The following TANC2 variants were observed in gnomAD, a reference collection of about 807,000 sequenced individuals.
The protein encoded by TANC2 is tetratricopeptide repeat, ankyrin repeat and coiled-coil containing 2, also known as protein TANC2.
TANC2 carries 26 observed loss-of-function variants against 210.5 expected under a neutral mutation model. The ratio of observed to expected loss-of-function variants is 0.12; its 90% CI spans 0.09 to 0.17. The LOEUF (loss-of-function observed/expected upper bound fraction) is 0.17. Among genes scored for constraint, TANC2 ranks in the 10% least tolerant of loss-of-function variants. TANC2 has a pLI of 1.00. For synonymous variants in TANC2, 931 were observed against 967.1 expected, an observed-to-expected ratio of 0.96 and a Z score of 0.69; for missense variants, 2,129 against 2,608.9, an observed-to-expected ratio of 0.82 and a Z score of 4.01.
chr17:63,174,091 A>G (rs1159583164), intron 5 of TANC2, among the ~76,000 whole-genome samples: 1 of 152,196 alleles, frequency 6.6e-6, no homozygotes, highest in Admixed American at 6.5e-5. Context: ...CCATGCTGTC[A>G]CTGCCAGTGA....
exon 6 of TANC2, chr17:63,194,032 G>A: frequency 6.2e-7 from 1 of 1,613,246 alleles, no homozygotes; most frequent in Non-Finnish European, 8.5e-7. Context: ...ATCTGTAGAT[G>A]AGGCAGCAAA....
At chr17:63,236,014 G>T (rs1165159221) in intron 7 of TANC2, among the ~76,000 whole-genome samples, 2 of 151,964 alleles carry the variant, frequency 1.3e-5, no homozygotes, top group Non-Finnish European at 2.9e-5. Flanking sequence ...ATCTGTACAA[G>T]TAGGGCCTGT....
chr17:63,420,458 T>G lies in TANC2; in HGVS notation c.4728T>G (p.Thr1576=). 1 of 1,613,900 alleles carries G rather than the reference T, an allele frequency of 6.2e-7. No homozygotes were observed. The highest frequency in any genetic ancestry group is 8.5e-7 in the Non-Finnish European group (1 of 1,179,868). ...CCACCTCACCTGCCCTTTCTCCAAC[T>G]CATCAGAACTCACATTACAGGCCTA... Residue 1576 remains threonine, a synonymous_variant, in exon 28 of 28, where the codon ACT becomes ACG. Transcript: ENST00000689528. The surrounding 1 kb of genome is among the most constrained non-coding windows in gnomAD (Gnocchi z 4.2).
chr17:63,241,980 G>T (rs1214657422), intron 8 of TANC2, among the ~76,000 whole-genome samples: 1 of 152,162 alleles, frequency 6.6e-6, no homozygotes, highest in Non-Finnish European at 1.5e-5. Context: ...TCAGTGTGGT[G>T]CATAGACAGT....
At chr17:63,403,317 C>T (rs1185701395) in intron 19 of TANC2, among the ~76,000 whole-genome samples, 1 of 152,112 alleles carries the variant, frequency 6.6e-6, no homozygotes, top group Admixed American at 6.6e-5. Context: ...AACTTATCAA[C>T]CTAGTAACTA....
chr17:63,012,231 G>C (rs779738546), intron 2 of TANC2, among the ~76,000 whole-genome samples: 1 of 151,820 alleles, frequency 6.6e-6, no homozygotes, highest in Non-Finnish European at 1.5e-5. Flanking sequence ...ACTTTGCCCA[G>C]GCTGTTCTTG....
At position 63,420,994 on chromosome 17, in the gene TANC2, G is replaced by A; in HGVS notation, c.5264G>A (p.Gly1755Glu). The change falls in exon 28 of 28, where the codon GGA becomes GAA. Residue 1755 changes from glycine to glutamate, a missense_variant. By Grantham distance (98) the Gly-to-Glu change is moderately conservative. Transcript: ENST00000689528. This position sits in a 1 kb window ranked among gnomAD's most constrained non-coding sequence, Gnocchi z 4.2. ...TCAATTGGGGGAATCGTAGGGGATG[G>A]AAGGCCGGTGCAGCATGTCCAAGCC... 6.2e-7 allele frequency: 1 copy of A among 1,613,990 alleles called. No homozygotes were observed. The highest frequency in any genetic ancestry group is 1.1e-5 in the South Asian group (1 of 91,086).
chr17:63,140,784 G>T (rs1274776706), intron 4 of TANC2, among the ~76,000 whole-genome samples: 1 of 152,116 alleles, frequency 6.6e-6, no homozygotes, highest in Non-Finnish European at 1.5e-5. Flanking sequence ...GTGTCGCTTT[G>T]TTGCCCAGGC....
At chr17:63,377,960 C>T (rs1430635665) in intron 14 of TANC2, among the ~76,000 whole-genome samples, 3 of 152,164 alleles carry the variant, frequency 2.0e-5, no homozygotes, top group Non-Finnish European at 2.9e-5. Context: ...TGAGAACTCA[C>T]TATCATGAGA....
At chr17:63,251,885 T>A (rs1247597148) in intron 8 of TANC2, among the ~76,000 whole-genome samples, 1 of 152,214 alleles carries the variant, frequency 6.6e-6, no homozygotes, top group Admixed American at 6.5e-5. Context: ...ATTTACTATA[T>A]TTCTTGGTTT....
At chr17:63,395,571 G>A (rs1232869430) in intron 17 of TANC2, among the ~76,000 whole-genome samples, 172 bp from the exon 18 acceptor site, 1 of 152,178 alleles carries the variant, frequency 6.6e-6, no homozygotes, top group Non-Finnish European at 1.5e-5. Flanking sequence ...CATAGTTGTA[G>A]CTCAGTAATA....
intron 1 of TANC2, among the ~76,000 whole-genome samples, chr17:62,973,273 C>T (rs1389548122): frequency 5.3e-5 from 8 of 152,148 alleles, no homozygotes; most frequent in South Asian, 2.1e-4. Context: ...CTCGAATGAT[C>T]GGCCCGTCTC....
chr17:63,423,216 G>T (rs997414289), exon 28 of TANC2: 1 of 152,084 alleles, frequency 6.6e-6, no homozygotes, highest in East Asian at 1.9e-4. Context: ...AAAGTCAGAC[G>T]CAGCAAAAAC....
chr17:63,160,613 A>G (rs1340583813), intron 5 of TANC2, among the ~76,000 whole-genome samples: 8 of 152,214 alleles, frequency 5.3e-5, no homozygotes, highest in Non-Finnish European at 1.2e-4. Flanking sequence ...TTCAGTGAAC[A>G]TACTAATTGC....
At chr17:63,406,052 C>T (rs2048495775) in intron 20 of TANC2, 102 bp from the exon 21 acceptor site, 8 of 1,458,876 alleles carry the variant, frequency 5.5e-6, no homozygotes, top group South Asian at 2.5e-5. Flanking sequence ...ATGGGTGACT[C>T]GTACAGCAGT....
At chr17:63,273,569 CT>C (rs1205923554) in intron 9 of TANC2, among the ~76,000 whole-genome samples, 3 of 152,108 alleles carry the variant, frequency 2.0e-5, no homozygotes, top group Non-Finnish European at 2.9e-5. Flanking sequence ...ATAGTTTTGA[CT>C]TTGCAAACTC....
At chr17:63,138,184 A>G (rs1186847786) in intron 4 of TANC2, among the ~76,000 whole-genome samples, 3 of 152,158 alleles carry the variant, frequency 2.0e-5, no homozygotes, top group Middle Eastern at 3.2e-3. Flanking sequence ...GATGCAGAGA[A>G]TCCAACAAAG....
At chr17:63,378,623 G>C (rs905481841) in intron 14 of TANC2, among the ~76,000 whole-genome samples, 1 of 152,194 alleles carries the variant, frequency 6.6e-6, no homozygotes, top group African/African-American at 2.4e-5. Context: ...ACAATATCCA[G>C]AGGCAGATAA....
intron 9 of TANC2, among the ~76,000 whole-genome samples, chr17:63,285,460 G>T (rs1423350935): frequency 1.3e-5 from 2 of 152,098 alleles, no homozygotes; most frequent in African/African-American, 4.8e-5. Context: ...ACCATTTCAT[G>T]TATAGTATAA....
Sources: allele counts gnomAD v4.1 joint callset (sites outside exome capture counted in the v4.1 genomes callset), GRCh38; gene constraint gnomAD v4.1.1; non-coding constraint Gnocchi (gnomAD v3.1); transcripts MANE v1.5; gene names NCBI Gene and HGNC (gene_info 2026-07-23, HGNC 2026-07-21).